The following ZZZ3 variants were observed in gnomAD, a reference collection of about 807,000 sequenced individuals.
ZZZ3 encodes the protein ZZ-type zinc finger-containing protein 3.
ZZZ3 carries 22 observed loss-of-function variants against 95.2 expected under a neutral mutation model. The ratio of observed to expected loss-of-function variants is 0.23; its 90% CI spans 0.17 to 0.33. ZZZ3 has a LOEUF of 0.33. Ranked by LOEUF, ZZZ3 falls within the 10% of genes least tolerant of loss-of-function variation. The probability of loss-of-function intolerance (pLI) is 1.00; values close to 1 mark genes in which losing one functional copy is unlikely to be tolerated. For missense variants in ZZZ3, 885 were observed against 1,066.5 expected (o/e 0.83, Z 2.37); for synonymous variants, 335 against 358.9 (o/e 0.93, Z 0.75).
chr1:77,681,896 T>C (rs550775296), intron 1 of ZZZ3, among the ~76,000 whole-genome samples: 2 of 110,676 alleles, frequency 1.8e-5, no homozygotes, highest in African/African-American at 9.0e-5. Context: ...CGAGACTCCG[T>C]CTCAAAAAAA....
chr1:77,610,214 G>A (rs1665655114), intron 5 of ZZZ3, among the ~76,000 whole-genome samples: 1 of 150,286 alleles, frequency 6.7e-6, no homozygotes, highest in Non-Finnish European at 1.5e-5. Context: ...GCTCTAATTG[G>A]AAAATCTGGA....
chr1:77,623,298 A>C (rs1271742675), intron 5 of ZZZ3, among the ~76,000 whole-genome samples: 4 of 152,184 alleles, frequency 2.6e-5, no homozygotes, highest in African/African-American at 9.7e-5. Flanking sequence ...AAAAGGAAGA[A>C]GCAACACAGA....
At chr1:77,569,551 A>C (rs1661163534) in intron 12 of ZZZ3, among the ~76,000 whole-genome samples, 1 of 152,168 alleles carries the variant, frequency 6.6e-6, no homozygotes, top group Non-Finnish European at 1.5e-5. Context: ...TCATCATCCT[A>C]GACAACTTCA....
At chr1:77,581,665 T>C in intron 8 of ZZZ3, 111 bp downstream of exon 8, 1 of 838,916 alleles carries the variant, frequency 1.2e-6, no homozygotes, top group East Asian at 2.8e-5. Context: ...TCTTATCTCC[T>C]TTATCTTCCA....
intron 5 of ZZZ3, among the ~76,000 whole-genome samples, chr1:77,623,021 G>A (rs550740976): frequency 2.6e-4 from 40 of 152,150 alleles, no homozygotes; most frequent in Non-Finnish European, 5.3e-4. Context: ...CAGAGTAACT[G>A]ACACAGAATG....
chr1:77,657,704 G>A (rs1311371987), intron 1 of ZZZ3, among the ~76,000 whole-genome samples: 1 of 152,128 alleles, frequency 6.6e-6, no homozygotes, highest in Non-Finnish European at 1.5e-5. Context: ...GTATACGTGG[G>A]GGGGATTGGT....
At chr1:77,604,053 A>G (rs1664995240) in intron 5 of ZZZ3, among the ~76,000 whole-genome samples, 1 of 152,200 alleles carries the variant, frequency 6.6e-6, no homozygotes, top group African/African-American at 2.4e-5. Context: ...CGGTAGTCCT[A>G]GCTACTCAGG....
In ZZZ3 at chr1:77,640,337, G is replaced by A. The variant is rs888822110; in HGVS notation, c.-205-735C>T. ...ATGTACAGGCCAGGTGCAGTGGCTC[G>A]CACCTGTAATCCCAGCACTTTGGGA... On this transcript the variant is annotated intron_variant, in intron 3 of 14. Transcript: ENST00000370801. Among the ~76,000 whole-genome samples, 533 of 151,882 alleles carry A rather than the reference G, an allele frequency of 3.5e-3. 3 individuals carry two copies. Among genetic ancestry groups the A allele is most frequent in the African/African-American group, 0.012 (503 of 41,422 alleles).
rs143639920 is a variant in ZZZ3 at position 77,662,170 on chromosome 1, C to T, written c.-403+20415G>A. Reference sequence around the variant, plus strand: ...CTGCGACTACAGGCACACACCACCACACCCGGCTAATTTTTGTACTGTTAG... The same window carrying T: ...CTGCGACTACAGGCACACACCACCATACCCGGCTAATTTTTGTACTGTTAG... On this transcript the variant is annotated intron_variant, in intron 1 of 14. Coordinates refer to ENST00000370801, the MANE Select transcript of ZZZ3 (RefSeq NM_015534.6). 9.1e-4 allele frequency among the ~76,000 whole-genome samples: 138 copies of T among 152,180 alleles called. 1 individual carries two copies. The highest frequency in any genetic ancestry group is 3.2e-3 in the African/African-American group (132 of 41,546).
At chr1:77,584,989 T>A (rs1662945614) in intron 5 of ZZZ3, 1 of 158,964 alleles carries the variant, frequency 6.3e-6, no homozygotes, top group African/African-American at 2.4e-5. Context: ...ATTAAAATGA[T>A]AAAATCTTAA....
intron 1 of ZZZ3, among the ~76,000 whole-genome samples, chr1:77,668,141 C>T (rs1324987472): frequency 6.6e-6 from 1 of 152,154 alleles, no homozygotes; most frequent in East Asian, 1.9e-4. Flanking sequence ...CTTTAGATTA[C>T]TCACGTTTTT....
rs1268129523 is a variant in ZZZ3 at position 77,564,195 on chromosome 1, C to T, written c.*1445G>A. 1 of 152,058 alleles carries T rather than the reference C, an allele frequency of 6.6e-6. No homozygotes were observed. Among genetic ancestry groups the T allele is most frequent in the African/African-American group, 2.4e-5 (1 of 41,434 alleles). The allele number at this position is 152,058 out of a possible 1,614,324, so 9.4% of individuals were successfully genotyped here. On this transcript the variant is annotated 3_prime_UTR_variant, in exon 15 of 15. Transcript: ENST00000370801. ...GAGACACAACTAGAAAAAAAATTTT[C>T]AACTTTAGTTTTCACACCTGAGCAT...
intron 1 of ZZZ3, among the ~76,000 whole-genome samples, chr1:77,665,645 A>T (rs2101032924): frequency 6.6e-6 from 1 of 152,324 alleles, no homozygotes; most frequent in Middle Eastern, 3.4e-3. Context: ...TGGAATGTTT[A>T]AGAAAATTTG....
At chr1:77,599,148 A>G (rs1368778716) in intron 5 of ZZZ3, among the ~76,000 whole-genome samples, 2 of 152,110 alleles carry the variant, frequency 1.3e-5, no homozygotes, top group African/African-American at 4.8e-5. Context: ...ATAAATAGTA[A>G]AAGTAGTATT....
intron 1 of ZZZ3, among the ~76,000 whole-genome samples, chr1:77,675,752 C>T (rs1162765950): frequency 6.6e-6 from 1 of 152,080 alleles, no homozygotes; most frequent in Non-Finnish European, 1.5e-5. Flanking sequence ...ATCACAATTT[C>T]AAAATGTAAA....
chr1:77,587,630 T>G (rs1663234008), intron 5 of ZZZ3, among the ~76,000 whole-genome samples: 1 of 152,204 alleles, frequency 6.6e-6, no homozygotes, highest in Non-Finnish European at 1.5e-5. Flanking sequence ...AGATCACAGC[T>G]GTCACTGCAT....
intron 5 of ZZZ3, among the ~76,000 whole-genome samples, chr1:77,587,084 G>A (rs1003554751): frequency 6.6e-6 from 1 of 152,160 alleles, no homozygotes; most frequent in African/African-American, 2.4e-5. Context: ...AAGTGTAATA[G>A]AGGAGCTACA....
Position 77,584,518 on chromosome 1 carries a change from T to C in ZZZ3, c.1643A>G (p.Lys548Arg), listed in dbSNP as rs748154236. The change falls in exon 6 of 15, where the codon AAG becomes AGG. Residue 548 changes from lysine to arginine, a missense_variant and splice_region_variant. Physicochemically the swap from Lys to Arg is conservative, Grantham distance 26 (BLOSUM62 2). Around this residue, in one of 5 missense-constraint regions of ZZZ3, gnomAD observed 556 missense variants for 652.9 expected, o/e 0.85. Coordinates refer to ENST00000370801, the MANE Select transcript of ZZZ3 (RefSeq NM_015534.6). ...TCTTAAAAACAGTTCAATGTATACC[T>C]TCTTCTGGAGTTTTTCCACAAATCC... is the stretch of plus-strand genomic sequence containing the variant. Reference protein sequence around the residue: ...PIGFVEKLQKKADIGLPYPQR... With the variant: ...PIGFVEKLQKRADIGLPYPQR... 16 of 1,606,936 alleles carry C rather than the reference T, an allele frequency of 1.0e-5. No homozygotes were observed. The South Asian group carries it at 1.6e-4, about 16-fold the overall frequency.
intron 5 of ZZZ3, among the ~76,000 whole-genome samples, chr1:77,626,853 C>G (rs559791993): frequency 6.6e-6 from 1 of 152,290 alleles, no homozygotes; most frequent in African/African-American, 2.4e-5. Flanking sequence ...TATTTGAAAT[C>G]AAGCTACAGC....
Sources: gnomAD v4.1 joint callset for allele counts (sites outside exome capture counted in the v4.1 genomes callset) on GRCh38, gnomAD v4.1.1 for gene constraint, gnomAD v4.1.1 regional missense constraint, MANE v1.5 for transcripts, NCBI Gene and HGNC (gene_info 2026-07-23, HGNC 2026-07-21) for gene names.